The following SEPTIN9 variants were observed in gnomAD, a reference collection of about 807,000 sequenced individuals.
The protein encoded by SEPTIN9 is septin-9.
In SEPTIN9, 13 loss-of-function variants were observed where a neutral mutation model predicts 56.6. The observed-to-expected ratio is 0.23, with a 90% confidence interval of 0.15 to 0.37. The LOEUF is 0.37. Ranked by LOEUF, SEPTIN9 falls within the 10% of genes least tolerant of loss-of-function variation. The pLI, the probability that SEPTIN9 is intolerant of heterozygous loss-of-function variation, is 1.00. For synonymous variants in SEPTIN9, 332 were observed against 334.1 expected (o/e 0.99, Z 0.07); for missense variants, 650 against 823.1 (o/e 0.79, Z 2.57).
chr17:77,362,311 C>T (rs77497244), intron 2 of SEPTIN9, among the ~76,000 whole-genome samples: 2,246 of 152,306 alleles, frequency 0.015, 59 homozygotes, highest in African/African-American at 0.049. Flanking sequence ...GTCCCTGTGA[C>T]CAGAGTAGCC....
Position 77,498,729 on chromosome 17 carries a change from C to A in SEPTIN9, c.*71C>A. On this transcript the variant is annotated 3_prime_UTR_variant, in exon 12 of 12. Coordinates refer to ENST00000427177, the MANE Select transcript of SEPTIN9 (RefSeq NM_001113491.2). ...GTCCCCCCCCAGGCCCTCCCACCAC[C>A]CCATTTTATTTTATATGATTTTCTC... 2 of 905,846 alleles carry A rather than the reference C, an allele frequency of 2.2e-6. No individual in the cohort carries two copies. Among genetic ancestry groups the A allele is most frequent in the South Asian group, 1.4e-5 (1 of 70,422 alleles). The allele number at this position is 905,846 out of a possible 1,614,324, so 56.1% of individuals were successfully genotyped here.
At chr17:77,469,663 C>T (rs1418352341) in intron 3 of SEPTIN9, 2 of 152,256 alleles carry the variant, frequency 1.3e-5, no homozygotes, top group Non-Finnish European at 2.9e-5. Context: ...AGGTAGCGGT[C>T]CATGCACACT....
chr17:77,414,351 A>G (rs2036417501), intron 3 of SEPTIN9, among the ~76,000 whole-genome samples: 1 of 152,170 alleles, frequency 6.6e-6, no homozygotes, highest in Non-Finnish European at 1.5e-5. Context: ...CTGGGATTAC[A>G]GGCATGAGTC....
At chr17:77,411,219 G>A (rs1771879269) in intron 3 of SEPTIN9, among the ~76,000 whole-genome samples, 2 of 152,114 alleles carry the variant, frequency 1.3e-5, no homozygotes, top group African/African-American at 4.8e-5. Context: ...GCTGGGTGTG[G>A]CATTCTCCTG....
At chr17:77,296,287 A>G (rs975299788) in intron 1 of SEPTIN9, among the ~76,000 whole-genome samples, 2 of 152,214 alleles carry the variant, frequency 1.3e-5, no homozygotes, top group African/African-American at 4.8e-5. Flanking sequence ...GAGCTTACCA[A>G]GGCACCGTCT....
rs2037325475 is a variant in SEPTIN9, at chr17:77,436,080, G to C, written c.721+33377G>C. Among the ~76,000 whole-genome samples the C allele has an allele frequency of 6.6e-6, 1 of 152,218 alleles. No individual in the cohort carries two copies. Among genetic ancestry groups the C allele is most frequent in the Admixed American group, 6.5e-5 (1 of 15,290 alleles). The stretch of plus-strand genomic sequence containing the variant: ...CCATCCACACTGGCTTCCACGGCTG[G>C]GTGGGAGTTGAGTTGAGCTCGGCGG... On this transcript the variant is annotated intron_variant, in intron 3 of 11. Transcript: ENST00000427177. The surrounding 1 kb of genome is among the most constrained non-coding windows in gnomAD (Gnocchi z 4.4).
At chr17:77,478,160 C>A (rs1292508801) in intron 3 of SEPTIN9, among the ~76,000 whole-genome samples, 1 of 152,120 alleles carries the variant, frequency 6.6e-6, no homozygotes, top group Non-Finnish European at 1.5e-5. Flanking sequence ...TCAGTTTCCC[C>A]ATTAGTAAAG....
intron 3 of SEPTIN9, among the ~76,000 whole-genome samples, chr17:77,407,047 C>T (rs539717307): frequency 6.6e-6 from 1 of 151,976 alleles, no homozygotes; most frequent in African/African-American, 2.4e-5. Context: ...CTTTGGAGGC[C>T]GAAGCAGGCA....
intron 2 of SEPTIN9, among the ~76,000 whole-genome samples, chr17:77,395,853 T>G (rs778552103): frequency 9.9e-5 from 15 of 152,266 alleles, no homozygotes; most frequent in Non-Finnish European, 2.9e-5. Flanking sequence ...TTAGAAAATC[T>G]GCGGAAACCC....
intron 1 of SEPTIN9, chr17:77,288,270 C>A: frequency 1.0e-6 from 1 of 974,410 alleles, no homozygotes; most frequent in Non-Finnish European, 1.2e-6. Flanking sequence ...TGTGACGAGG[C>A]CTGCGCCATG....
chr17:77,497,408 C>T (rs765528032), intron 11 of SEPTIN9, 42 bp downstream of exon 11: 2 of 1,582,756 alleles, frequency 1.3e-6, no homozygotes, highest in South Asian at 1.1e-5. Context: ...GGCTTCACCC[C>T]TAAGAGGGCC....
chr17:77,281,535 C>T lies in SEPTIN9; in HGVS notation c.-1C>T, dbSNP rs2031019279. ...CTGGGAGCGGCGGCCACGGAGGCAC[C>T]ATGAAGAAGTCTTACTCAGGTGGGC... On this transcript the variant is annotated 5_prime_UTR_variant, in exon 1 of 12. Coordinates refer to ENST00000427177, the MANE Select transcript of SEPTIN9 (RefSeq NM_001113491.2). 2 of 1,549,828 alleles carry T rather than the reference C, an allele frequency of 1.3e-6. No individual in the cohort carries two copies. Among genetic ancestry groups the T allele is most frequent in the South Asian group, 2.4e-5 (2 of 83,964 alleles).
chr17:77,320,124 T>C, intron 2 of SEPTIN9: 1 of 1,471,722 alleles, frequency 6.8e-7, no homozygotes, highest in Non-Finnish European at 9.0e-7. Flanking sequence ...CACAAACATA[T>C]GATCAGCACA....
Position 77,288,259 on chromosome 17 carries a change from C to G in SEPTIN9, c.19+6705C>G, listed in dbSNP as rs961505520. 8.0e-6 allele frequency: 8 copies of G among 1,004,040 alleles called. No individual in the cohort carries two copies. In the African/African-American group the frequency reaches 1.4e-4, roughly 17 times the overall value. The allele number at this position is 1,004,040 out of a possible 1,614,324, so 62.2% of individuals were successfully genotyped here. On this transcript the variant is annotated intron_variant, in intron 1 of 11. Transcript: ENST00000427177. Reference sequence around the variant, plus strand: ...GCTCCTCCCAGGCTGCTTAAATGACCTGTGACGAGGCCTGCGCCATGGCCG... The same window carrying G: ...GCTCCTCCCAGGCTGCTTAAATGACGTGTGACGAGGCCTGCGCCATGGCCG...
intron 2 of SEPTIN9, among the ~76,000 whole-genome samples, chr17:77,347,953 G>A (rs2033938360): frequency 6.6e-6 from 1 of 152,126 alleles, no homozygotes; most frequent in Non-Finnish European, 1.5e-5. Flanking sequence ...GCATTTTTGA[G>A]ATGATATTTA....
At chr17:77,283,759 G>C (rs142001246) in intron 1 of SEPTIN9, among the ~76,000 whole-genome samples, 51 of 152,332 alleles carry the variant, frequency 3.3e-4, no homozygotes, top group Non-Finnish European at 5.4e-4. Flanking sequence ...TTAGAAGGAT[G>C]TGTTGGGGCA....
In SEPTIN9 at chr17:77,374,710, A is replaced by G. The variant is rs377246946; in HGVS notation, c.77-27349A>G. 1.3e-3 allele frequency: 194 copies of G among 152,398 alleles called. 1 individual carries two copies. The highest frequency in any genetic ancestry group is 4.3e-3 in the African/African-American group (180 of 41,578). The allele number at this position is 152,398 out of a possible 1,614,324, so 9.4% of individuals were successfully genotyped here. On this transcript the variant is annotated intron_variant, in intron 2 of 11. Coordinates refer to ENST00000427177, the MANE Select transcript of SEPTIN9 (RefSeq NM_001113491.2). ...GCTGACATCTGGGTGTCCTGAGCCCAGCTGCCCACACGGCCCACCTGGGGT... is the reference window on the plus strand; with the variant it reads ...GCTGACATCTGGGTGTCCTGAGCCCGGCTGCCCACACGGCCCACCTGGGGT...
intron 3 of SEPTIN9, chr17:77,466,457 T>C: frequency 1.0e-6 from 1 of 985,524 alleles, no homozygotes; most frequent in African/African-American, 1.7e-5. Context: ...AGGTTCCGGC[T>C]GCTGCCTGTG....
chr17:77,389,179 G>A lies in SEPTIN9; in HGVS notation c.77-12880G>A, dbSNP rs2035446617. 6.6e-6 allele frequency among the ~76,000 whole-genome samples: 1 copy of A among 152,158 alleles called. No homozygotes were observed. The highest frequency in any genetic ancestry group is 1.5e-5 in the Non-Finnish European group (1 of 68,030). ...AGGGAGCTGGGATGCATTTCTAAGAGCAGCATGCGTGAAGCCCGGGGTCTG... is the reference window on the plus strand; with the variant it reads ...AGGGAGCTGGGATGCATTTCTAAGAACAGCATGCGTGAAGCCCGGGGTCTG... On this transcript the variant is annotated intron_variant, in intron 2 of 11. Transcript: ENST00000427177. This position sits in a 1 kb window ranked among gnomAD's most constrained non-coding sequence, Gnocchi z 4.3.
Sources: allele counts gnomAD v4.1 joint callset (sites outside exome capture counted in the v4.1 genomes callset), GRCh38; gene constraint gnomAD v4.1.1; non-coding constraint Gnocchi (gnomAD v3.1); transcripts MANE v1.5; gene names NCBI Gene and HGNC (gene_info 2026-07-23, HGNC 2026-07-21).